Variants in HEMGN observed in about 807,000 individuals in gnomAD.
HEMGN encodes the protein hemogen.
A neutral mutation model predicts 45.7 loss-of-function variants in HEMGN; 32 were observed. That is an observed-to-expected ratio of 0.70 (90% CI 0.53 to 0.94). The LOEUF is 0.94. Among genes scored for constraint, HEMGN ranks in the 40% least tolerant of loss-of-function variants. HEMGN has a pLI of 0.00. For missense variants in HEMGN, 530 were observed against 564.2 expected, an observed-to-expected ratio of 0.94 and a Z score of 0.61; for synonymous variants, 183 against 178.6, an observed-to-expected ratio of 1.02 and a Z score of -0.20.
At chr9:97,936,554 GA>G (rs1325773023) in intron 1 of HEMGN, among the ~76,000 whole-genome samples, 1 of 152,090 alleles carries the variant, frequency 6.6e-6, no homozygotes, top group Non-Finnish European at 1.5e-5. Context: ...TACAAATAAT[GA>G]AAAAAGTAGC....
intron 2 of HEMGN, among the ~76,000 whole-genome samples, chr9:97,931,984 G>A (rs993488205): frequency 6.6e-6 from 1 of 152,076 alleles, no homozygotes; most frequent in South Asian, 2.1e-4. Context: ...AATACAGATG[G>A]GCTGGGGGCT....
At chr9:97,941,103 G>A (rs1339456143), upstream of HEMGN, among the ~76,000 whole-genome samples, 1 of 152,178 alleles carries the variant, frequency 6.6e-6, no homozygotes, top group African/African-American at 2.4e-5. Flanking sequence ...ATGGTGATAA[G>A]TGCTTTGGAG....
At position 97,927,290 on chromosome 9, in the gene HEMGN, G is replaced by T. The variant is rs942717443; in HGVS notation, c.*94C>A. On this transcript the variant is annotated 3_prime_UTR_variant, in exon 4 of 4. Transcript: ENST00000616898. Reference sequence around the variant, plus strand: ...CAAATAGAAAAAATAATATTAATGAGCATTGTCAAAAGTTTTACAATATTT... The same window carrying T: ...CAAATAGAAAAAATAATATTAATGATCATTGTCAAAAGTTTTACAATATTT... 3 of 694,234 alleles carry T rather than the reference G, an allele frequency of 4.3e-6. No homozygotes were observed. The highest frequency in any genetic ancestry group is 2.4e-5 in the Admixed American group (1 of 41,002). 43.0% of individuals were successfully genotyped at this position (694,234 alleles called of 1,614,324 possible).
chr9:97,936,109 A>G (rs1827053200), intron 2 of HEMGN, 62 bp downstream of exon 2: 4 of 1,056,596 alleles, frequency 3.8e-6, no homozygotes, highest in South Asian at 3.8e-5. Flanking sequence ...GCACAGCACT[A>G]CTTTATGCAT....
chr9:97,932,324 T>G (rs1404125294), intron 2 of HEMGN, among the ~76,000 whole-genome samples: 1 of 152,226 alleles, frequency 6.6e-6, no homozygotes, highest in African/African-American at 2.4e-5. Flanking sequence ...CCCTGTTCCA[T>G]TTTTTGTGTA....
chr9:97,928,870 CA>C (rs1450553635), intron 3 of HEMGN, among the ~76,000 whole-genome samples: 3 of 152,004 alleles, frequency 2.0e-5, no homozygotes, highest in Non-Finnish European at 4.4e-5. Flanking sequence ...TAAATGAAAA[CA>C]AAAACAAGTT....
chr9:97,941,420 C>A (rs947554392), upstream of HEMGN, among the ~76,000 whole-genome samples: 6 of 152,068 alleles, frequency 3.9e-5, no homozygotes, highest in African/African-American at 1.2e-4. Context: ...AGGAGTGATA[C>A]GATCTGACTT....
upstream of HEMGN, chr9:97,938,458 A>G (rs534348267): frequency 1.1e-4 from 25 of 218,218 alleles, no homozygotes; most frequent in South Asian, 2.8e-3. Context: ...TTTTGGTTCT[A>G]TCTGCCAGGA....
At chr9:97,938,304 A>G, upstream of HEMGN, 1 of 607,624 alleles carries the variant, frequency 1.6e-6, no homozygotes, top group Non-Finnish European at 2.9e-6. Flanking sequence ...CCACAACTGC[A>G]GGCTAATTCT....
At chr9:97,942,930 C>G (rs1028941246), upstream of HEMGN, among the ~76,000 whole-genome samples, 6 of 152,268 alleles carry the variant, frequency 3.9e-5, no homozygotes, top group African/African-American at 1.4e-4. Context: ...GATGAGAGCC[C>G]TGGTACACTT....
rs751085560 is a variant in HEMGN at position 97,938,120 on chromosome 9, T to A, written c.17A>T (p.Asp6Val). 1 of 1,612,706 alleles carries A rather than the reference T, an allele frequency of 6.2e-7. No individual in the cohort carries two copies. The highest frequency in any genetic ancestry group is 8.5e-7 in the Non-Finnish European group (1 of 1,178,940). ...CTGATGGTGCTTCAAATGAGATTGG[T>A]CCTTTCCCAAATCCATCTTGCTGCA... is the stretch of plus-strand genomic sequence containing the variant. MDLGK[D>V]QSHLKHHQTP... Residue 6 changes from aspartate to valine, a missense_variant, in exon 1 of 4, where the codon GAC becomes GTC. Coordinates refer to ENST00000616898, the MANE Select transcript of HEMGN (RefSeq NM_197978.3).
rs34825770 is a variant in HEMGN at position 97,927,168 on chromosome 9, T to TACAC, written c.*212_*215dup. ...ATCCTCTCCCCGACCTATACATACA[T>TACAC]ACACACACACACACACACACACACA... is the stretch of plus-strand genomic sequence containing the variant. On this transcript the variant is annotated 3_prime_UTR_variant, in exon 4 of 4. Coordinates refer to ENST00000616898, the MANE Select transcript of HEMGN (RefSeq NM_197978.3). 283 of 317,304 alleles carry TACAC rather than the reference T, an allele frequency of 8.9e-4. No homozygotes were observed. Among genetic ancestry groups the TACAC allele is most frequent in the East Asian group, 8.8e-3 (157 of 17,874 alleles). The allele number at this position is 317,304 out of a possible 1,614,324, so 19.7% of individuals were successfully genotyped here. A position where few individuals can be genotyped will look rare whatever the true frequency, so the allele number is the denominator to read the frequency against.
At chr9:97,927,531 T>C (rs767698723) in intron 3 of HEMGN, 53 bp from the exon 4 acceptor site, 545 of 1,207,416 alleles carry the variant, frequency 4.5e-4, no homozygotes, top group Admixed American at 6.8e-4. Flanking sequence ...ATTGGGACAA[T>C]TGACTCTCCA....
At chr9:97,937,520 C>A (rs948289351) in intron 1 of HEMGN, among the ~76,000 whole-genome samples, 2 of 151,928 alleles carry the variant, frequency 1.3e-5, no homozygotes, top group African/African-American at 4.8e-5. Context: ...ATATTGTAAT[C>A]TATAAATAAT....
At position 97,930,810 on chromosome 9, in the gene HEMGN, C is replaced by T. The variant is rs375684699; in HGVS notation, c.585G>A (p.Lys195=). The T allele has an allele frequency of 2.5e-6, 4 of 1,613,982 alleles. No homozygotes were observed. The highest frequency in any genetic ancestry group is 1.7e-6 in the Non-Finnish European group (2 of 1,180,024). Residue 195 remains lysine (K), a synonymous_variant, in exon 3 of 4, where the codon AAG becomes AAA. Transcript: ENST00000616898. ...TGTTAGGAGAGTTGTCTTCAGGTTCCTTCATGTCTTGGCATATTTTGGAAG... is the reference window on the plus strand; with the variant it reads ...TGTTAGGAGAGTTGTCTTCAGGTTCTTTCATGTCTTGGCATATTTTGGAAG... The part of the protein sequence containing the change: ...DNSSKICQDM[K]EPEDNSPNTC...
At chr9:97,944,548 C>T (rs1010475205) in intron 1 of HEMGN, among the ~76,000 whole-genome samples, 1 of 152,176 alleles carries the variant, frequency 6.6e-6, no homozygotes, top group Admixed American at 6.5e-5. Flanking sequence ...TTCATCTGCC[C>T]TCACCCTCCC....
chr9:97,932,803 C>CAAAAAAAAAAAA (rs5899328), intron 2 of HEMGN, among the ~76,000 whole-genome samples: 2 of 87,292 alleles, frequency 2.3e-5, no homozygotes, highest in Admixed American at 1.2e-4. Context: ...GACTCTGTCT[C>CAAAAAAAAAAAA]AAAAAAAAAA....
At chr9:97,927,801 C>T (rs1826857190) in intron 3 of HEMGN, among the ~76,000 whole-genome samples, 1 of 151,726 alleles carries the variant, frequency 6.6e-6, no homozygotes, top group African/African-American at 2.4e-5. Flanking sequence ...GCAACATATA[C>T]ATAGTAAAAA....
intron 3 of HEMGN, among the ~76,000 whole-genome samples, chr9:97,928,103 T>C (rs1025654923): frequency 1.3e-5 from 2 of 150,408 alleles, no homozygotes; most frequent in Non-Finnish European, 2.9e-5. Flanking sequence ...CTCTGCTCAC[T>C]GCAAGCTCCG....
Sources: gnomAD v4.1 joint callset for allele counts (sites outside exome capture counted in the v4.1 genomes callset) on GRCh38, gnomAD v4.1.1 for gene constraint, MANE v1.5 for transcripts, NCBI Gene and HGNC (gene_info 2026-07-23, HGNC 2026-07-21) for gene names.